Variants in CARD8 observed in about 807,000 individuals in gnomAD.
The protein encoded by CARD8 is caspase recruitment domain-containing protein 8.
Under a neutral mutation model 53.2 loss-of-function variants are expected in CARD8, and 38 were observed. The observed-to-expected ratio is 0.71, with a 90% CI of 0.55 to 0.94. CARD8 has a LOEUF of 0.94. Among genes scored for constraint, CARD8 ranks in the 40% least tolerant of loss-of-function variants. The pLI, the probability that CARD8 is intolerant of heterozygous loss-of-function variation, is 0.00. For missense variants in CARD8, 561 were observed against 655.5 expected, an observed-to-expected ratio of 0.86 and a Z score of 1.57; for synonymous variants, 245 against 244.9, an observed-to-expected ratio of 1.00 and a Z score of 0.00.
rs1417596781 is a variant in CARD8, at chr19:48,210,453, C to T, written c.*1257G>A. The T allele has an allele frequency of 5.3e-5, 8 of 152,084 alleles. No homozygotes were observed. The highest frequency in any genetic ancestry group is 4.6e-4 in the Admixed American group (7 of 15,262). 9.4% of individuals were successfully genotyped at this position (152,084 alleles called of 1,614,324 possible). ...GAAAAACATAACAGATTACTCTTCT[C>T]ATGAGTTTTTTAAATCTTCTGAGTG... On this transcript the variant is annotated 3_prime_UTR_variant, in exon 14 of 14. Coordinates refer to ENST00000651546, the MANE Select transcript of CARD8 (RefSeq NM_001184900.3).
intron 6 of CARD8, chr19:48,234,178 C>G: frequency 2.0e-6 from 1 of 489,064 alleles, no homozygotes; most frequent in Non-Finnish European, 3.6e-6. Flanking sequence ...GATTGCATTG[C>G]TCATTGCCTT....
intron 8 of CARD8, 70 bp from the exon 9 acceptor site, chr19:48,231,076 G>A (rs1217787477): frequency 7.8e-7 from 1 of 1,289,778 alleles, no homozygotes; most frequent in East Asian, 2.5e-5. Flanking sequence ...GATGTGCAGA[G>A]GGAGGTGGGA....
chr19:48,220,454 CA>C (rs1338750124), intron 11 of CARD8, among the ~76,000 whole-genome samples: 14 of 140,444 alleles, frequency 1.0e-4, no homozygotes, highest in African/African-American at 3.6e-4. Flanking sequence ...AAAACAATAA[CA>C]TTGGTCCGTC....
chr19:48,214,962 G>A (rs113210620), intron 13 of CARD8, among the ~76,000 whole-genome samples: 10,512 of 151,286 alleles, frequency 0.069, 1,205 homozygotes, highest in African/African-American at 0.24. Context: ...CTAATTTTTT[G>A]TATTTAAGTA....
intron 3 of CARD8, 147 bp from the exon 4 acceptor site, chr19:48,241,210 G>A: frequency 1.7e-6 from 1 of 587,258 alleles, no homozygotes; most frequent in Non-Finnish European, 3.0e-6. Context: ...GTAGTGGTAG[G>A]TACTTGGGAC....
chr19:48,252,816 C>T (rs1486337104), intron 1 of CARD8, among the ~76,000 whole-genome samples: 8 of 147,578 alleles, frequency 5.4e-5, no homozygotes, highest in Admixed American at 3.4e-4. Flanking sequence ...TATACACACA[C>T]ACACACACAC....
chr19:48,229,780 A>C lies in CARD8; in HGVS notation c.1035+658T>G, dbSNP rs766666672. ...GGAGGAGGGTTACTCCAGAGATGTG[A>C]GTGTGCCTGTCAGTGTAATTCACAT... On this transcript the variant is annotated intron_variant, in intron 10 of 13. Transcript: ENST00000651546. Among the ~76,000 whole-genome samples, 5 of 152,272 alleles carry C rather than the reference A, an allele frequency of 3.3e-5. No individual in the cohort carries two copies. The South Asian group carries it at 1.0e-3, about 32-fold the overall frequency.
downstream of CARD8, chr19:48,204,314 G>A (rs1480260196): frequency 4.9e-6 from 2 of 406,212 alleles, no homozygotes; most frequent in African/African-American, 4.1e-5. Flanking sequence ...GAACTGGAGG[G>A]ATGGAGGGTG....
At chr19:48,251,409 C>T (rs537874803) in intron 1 of CARD8, among the ~76,000 whole-genome samples, 1 of 152,262 alleles carries the variant, frequency 6.6e-6, no homozygotes, top group East Asian at 1.9e-4. Context: ...GTTTGGTAAA[C>T]TATTGTGTGA....
At chr19:48,225,069 C>A (rs112209806) in intron 10 of CARD8, among the ~76,000 whole-genome samples, 2 of 151,590 alleles carry the variant, frequency 1.3e-5, no homozygotes, top group Admixed American at 6.6e-5. Context: ...GTGCTTTTAA[C>A]TAATTTATGA....
chr19:48,233,766 T>C (rs773873500), intron 6 of CARD8: 11 of 182,414 alleles, frequency 6.0e-5, no homozygotes, highest in Non-Finnish European at 1.2e-4. Flanking sequence ...CTAAATTAAA[T>C]GATACAAGCT....
Position 48,252,129 on chromosome 19 carries a change from A to C in CARD8, c.-251-2282T>G, listed in dbSNP as rs918730635. 8.4e-4 allele frequency among the ~76,000 whole-genome samples: 128 copies of C among 152,312 alleles called. 1 individual carries two copies. The highest frequency in any genetic ancestry group is 3.0e-3 in the African/African-American group (124 of 41,564). On this transcript the variant is annotated intron_variant, in intron 1 of 13. Coordinates refer to ENST00000651546, the MANE Select transcript of CARD8 (RefSeq NM_001184900.3). Reference sequence around the variant, plus strand: ...TTACCTCTTCCTCTCTAAGACAAGAATGATCAGCTCTCAGGGAGCATTCAA... The same window carrying C: ...TTACCTCTTCCTCTCTAAGACAAGACTGATCAGCTCTCAGGGAGCATTCAA...
chr19:48,242,205 C>T (rs1029448987), intron 3 of CARD8, among the ~76,000 whole-genome samples: 4 of 152,118 alleles, frequency 2.6e-5, no homozygotes, highest in Non-Finnish European at 4.4e-5. Context: ...GTGGAATCCT[C>T]ATGAATGGTC....
At position 48,233,381 on chromosome 19, in the gene CARD8, A is replaced by T. The variant is rs1465646490; in HGVS notation, c.351-888T>A. ...GACCAGCAGAGAAACTGACACGTGG[A>T]TTAGGTTTAAAAAGAACAGGTACCT... On this transcript the variant is annotated intron_variant, in intron 6 of 13. Coordinates refer to ENST00000651546, the MANE Select transcript of CARD8 (RefSeq NM_001184900.3). 5.7e-5 allele frequency: 26 copies of T among 456,166 alleles called. No homozygotes were observed. In the Admixed American group the frequency reaches 6.1e-4, roughly 11 times the overall value. 28.3% of individuals were successfully genotyped at this position (456,166 alleles called of 1,614,324 possible). A position where few individuals can be genotyped will look rare whatever the true frequency, so the allele number is the denominator to read the frequency against.
At chr19:48,250,936 T>C (rs753475743) in intron 1 of CARD8, among the ~76,000 whole-genome samples, 5 of 152,098 alleles carry the variant, frequency 3.3e-5, no homozygotes, top group African/African-American at 7.2e-5. Context: ...CAATATGAGA[T>C]TTTCAGTTTG....
chr19:48,243,781 A>T lies in CARD8; in HGVS notation c.-43-2718T>A, dbSNP rs977571007. Among the ~76,000 whole-genome samples, 17 of 152,280 alleles carry T rather than the reference A, an allele frequency of 1.1e-4. No individual in the cohort carries two copies. The East Asian group carries it at 1.9e-3, about 17-fold the overall frequency. On this transcript the variant is annotated intron_variant, in intron 3 of 13. Transcript: ENST00000651546. ...TGACAGGATCCCTTGATCCCAGGAG[A>T]TTAAGGTCGCAGTGAGCTATGATGG...
At chr19:48,214,500 T>A (rs1466254445) in intron 13 of CARD8, among the ~76,000 whole-genome samples, 1 of 152,096 alleles carries the variant, frequency 6.6e-6, no homozygotes, top group Admixed American at 6.6e-5. Context: ...GAGGTTGAGC[T>A]GGTAAGGGAA....
At chr19:48,232,150 A>C (rs1188297386) in intron 7 of CARD8, 5 of 555,804 alleles carry the variant, frequency 9.0e-6, no homozygotes, top group Non-Finnish European at 1.6e-5. Context: ...GCTGGTGAGG[A>C]AAGTCCAGGT....
intron 12 of CARD8, among the ~76,000 whole-genome samples, chr19:48,216,061 T>A (rs546671655): frequency 6.6e-6 from 1 of 151,236 alleles, no homozygotes; most frequent in African/African-American, 2.4e-5. Flanking sequence ...GGGCAGAACA[T>A]GAGCTGCCTT....
Sources: allele counts gnomAD v4.1 joint callset (sites outside exome capture counted in the v4.1 genomes callset), GRCh38; gene constraint gnomAD v4.1.1; transcripts MANE v1.5; gene names NCBI Gene and HGNC (gene_info 2026-07-23, HGNC 2026-07-21).